FRAS1: variants seen among roughly 807,000 people sequenced by gnomAD.
FRAS1 encodes the protein extracellular matrix organizing protein FRAS1.
FRAS1 carries 290 observed loss-of-function variants against 435.2 expected under a neutral mutation model. The ratio of observed to expected loss-of-function variants is 0.67; its 90% CI spans 0.61 to 0.73. The LOEUF (loss-of-function observed/expected upper bound fraction) is 0.73, where lower values mean the gene tolerates loss of function less well. Ranked by LOEUF, FRAS1 falls within the 30% of genes least tolerant of loss-of-function variation. The pLI is 0.00. For synonymous variants in FRAS1, 1,800 were observed against 1,851.0 expected, an observed-to-expected ratio of 0.97 and a Z score of 0.71; for missense variants, 4,860 against 5,001.5, an observed-to-expected ratio of 0.97 and a Z score of 0.85.
At chr4:78,121,206 T>G (rs926761066) in intron 2 of FRAS1, among the ~76,000 whole-genome samples, 1 of 152,210 alleles carries the variant, frequency 6.6e-6, no homozygotes. Context: ...ATGTACATTT[T>G]CCTATCATTT....
At chr4:78,077,852 G>C (rs138468347) in intron 2 of FRAS1, among the ~76,000 whole-genome samples, 1 of 149,162 alleles carries the variant, frequency 6.7e-6, no homozygotes, top group East Asian at 2.0e-4. Flanking sequence ...TTTTCTAAGA[G>C]AAAATGGCCA....
intron 25 of FRAS1, among the ~76,000 whole-genome samples, chr4:78,374,678 C>A (rs549804190): frequency 3.6e-4 from 55 of 152,286 alleles, no homozygotes; most frequent in African/African-American, 1.3e-3. Flanking sequence ...GTGAAACACA[C>A]TGGAGCTTTT....
At chr4:78,318,380 G>C (rs766082546) in intron 17 of FRAS1, among the ~76,000 whole-genome samples, 3 of 152,184 alleles carry the variant, frequency 2.0e-5, no homozygotes, top group Non-Finnish European at 4.4e-5. Flanking sequence ...GGTGTTGGAT[G>C]ACTCATGGGT....
In FRAS1 at chr4:78,430,352, G is replaced by A. The variant is rs1039884658; in HGVS notation, c.4904G>A (p.Arg1635Gln). The A allele has an allele frequency of 3.1e-6, 5 of 1,613,780 alleles. No homozygotes were observed. Among genetic ancestry groups the A allele is most frequent in the Admixed American group, 1.7e-5 (1 of 59,998 alleles). ...CCCAAAGAACTCTTCTTTGAGCTTC[G>A]GAGACCTCCACAGCATGGTGTGCTT... is the stretch of plus-strand genomic sequence containing the variant. ...TAPKELFFELRRPPQHGVLLK... is the reference protein window; with the variant it reads ...TAPKELFFELQRPPQHGVLLK... Residue 1635 changes from arginine to glutamine, a missense_variant, in exon 37 of 74, where the codon CGG (arginine) becomes CAG (glutamine). Coordinates refer to ENST00000512123, the MANE Select transcript of FRAS1 (RefSeq NM_025074.7).
chr4:78,106,253 A>C lies in FRAS1; in HGVS notation c.108+40237A>C, dbSNP rs1284877001. ...AACTGGGTGGAGCCCACCACAGCTC[A>C]AGGAGGCCTGCCTGCCTCTGTAGGC... On this transcript the variant is annotated intron_variant, in intron 2 of 73. Transcript: ENST00000512123. Among the ~76,000 whole-genome samples, 2 of 86,244 alleles carry C rather than the reference A, an allele frequency of 2.3e-5. 1 individual carries two copies. 56.6% of individuals were successfully genotyped at this position (86,244 alleles called of 152,430 possible).
chr4:78,458,043 T>TA (rs1430616752), intron 47 of FRAS1, among the ~76,000 whole-genome samples: 1 of 152,006 alleles, frequency 6.6e-6, no homozygotes, highest in Non-Finnish European at 1.5e-5. Context: ...AATACACAGT[T>TA]AGAGAGAGAG....
At chr4:78,176,943 A>G (rs1721799845) in intron 2 of FRAS1, among the ~76,000 whole-genome samples, 1 of 152,238 alleles carries the variant, frequency 6.6e-6, no homozygotes, top group Admixed American at 6.5e-5. Flanking sequence ...CTGTCCCATC[A>G]AAACATCACA....
intron 2 of FRAS1, among the ~76,000 whole-genome samples, chr4:78,136,749 G>A (rs139760166): frequency 6.6e-6 from 1 of 152,278 alleles, no homozygotes; most frequent in Non-Finnish European, 1.5e-5. Context: ...GCTCTTTTGT[G>A]TGCCATTGGG....
chr4:78,227,876 C>A (rs1432857014), intron 2 of FRAS1, among the ~76,000 whole-genome samples: 2 of 152,186 alleles, frequency 1.3e-5, no homozygotes, highest in East Asian at 3.8e-4. Context: ...TCAGCAATGA[C>A]ATCATAAAAT....
Position 78,445,510 on chromosome 4 carries a change from A to G in FRAS1, c.5666-12A>G, listed in dbSNP as rs369995010. The G allele has an allele frequency of 1.9e-6, 3 of 1,542,610 alleles. No homozygotes were observed. The highest frequency in any genetic ancestry group is 4.6e-5 in the East Asian group (2 of 43,688). On this transcript the variant is annotated splice_polypyrimidine_tract_variant and intron_variant, in intron 41 of 73. Coordinates refer to ENST00000512123, the MANE Select transcript of FRAS1 (RefSeq NM_025074.7). The stretch of plus-strand genomic sequence containing the variant: ...AGATCAAGGTAAAAATGCTCTCTTG[A>G]TGTTGATGCAGGTGATCGTTTTGGC...
intron 41 of FRAS1, among the ~76,000 whole-genome samples, chr4:78,443,942 A>G (rs911520706): frequency 4.6e-5 from 7 of 152,094 alleles, no homozygotes; most frequent in Non-Finnish European, 1.0e-4. Context: ...TCGACCTCCC[A>G]GGCTCAAGTG....
Position 78,102,044 on chromosome 4 carries a change from A to G in FRAS1, c.108+36028A>G, listed in dbSNP as rs907809825. Among the ~76,000 whole-genome samples the G allele has an allele frequency of 4.6e-5, 7 of 152,348 alleles. No homozygotes were observed. The East Asian group carries it at 5.8e-4, about 13-fold the overall frequency. Reference sequence around the variant, plus strand: ...GATGTACAATTACAGGTTTATATCAATACCATTTTCTCATTTGATTGGTGC... The same window carrying G: ...GATGTACAATTACAGGTTTATATCAGTACCATTTTCTCATTTGATTGGTGC... On this transcript the variant is annotated intron_variant, in intron 2 of 73. Transcript: ENST00000512123.
At chr4:78,266,686 C>G in intron 7 of FRAS1, 148 bp from the exon 8 acceptor site, 1 of 652,704 alleles carries the variant, frequency 1.5e-6, no homozygotes, top group Admixed American at 2.6e-5. Flanking sequence ...GAGGCTATTC[C>G]TATCTAAATG....
At chr4:78,535,557 G>A (rs528761277) in intron 71 of FRAS1, among the ~76,000 whole-genome samples, 2 of 152,096 alleles carry the variant, frequency 1.3e-5, no homozygotes, top group Non-Finnish European at 2.9e-5. Flanking sequence ...AAAAATCTCA[G>A]GGTTATCCTC....
chr4:78,129,058 T>C (rs1361236369), intron 2 of FRAS1, among the ~76,000 whole-genome samples: 1 of 152,220 alleles, frequency 6.6e-6, no homozygotes, highest in Non-Finnish European at 1.5e-5. Flanking sequence ...AAAGATCAGA[T>C]AGTTGTAGAT....
rs1425283053 is a variant in FRAS1 at position 78,515,787 on chromosome 4, C to T, written c.10175-12C>T. On this transcript the variant is annotated splice_polypyrimidine_tract_variant and intron_variant, in intron 65 of 73. Transcript: ENST00000512123. Reference sequence around the variant, plus strand: ...ACCAAGTTATCGTTCCTTGTTCTTCCCTCCCTGGCAGAGGCAGGGTTCCTG... The same window carrying T: ...ACCAAGTTATCGTTCCTTGTTCTTCTCTCCCTGGCAGAGGCAGGGTTCCTG... The T allele has an allele frequency of 6.2e-7, 1 of 1,612,220 alleles. No individual in the cohort carries two copies. The highest frequency in any genetic ancestry group is 1.7e-5 in the Admixed American group (1 of 59,908).
intron 2 of FRAS1, among the ~76,000 whole-genome samples, chr4:78,118,538 C>T (rs1190818609): frequency 1.3e-5 from 2 of 152,182 alleles, no homozygotes; most frequent in Non-Finnish European, 2.9e-5. Context: ...CTCCCCCAGC[C>T]TCACTGCCGC....
Position 78,492,029 on chromosome 4 carries a change from TGA to T in FRAS1, c.8958+2951_8958+2952del, listed in dbSNP as rs1720367173. Among the ~76,000 whole-genome samples, 3 of 152,328 alleles carry T rather than the reference TGA, an allele frequency of 2.0e-5. No individual in the cohort carries two copies. The South Asian group carries it at 6.2e-4, about 32-fold the overall frequency. On this transcript the variant is annotated intron_variant, in intron 59 of 73. Transcript: ENST00000512123. Reference sequence around the variant, plus strand: ...CTATAATAAACAGAGAGCCAAATCATGAGTGAACTCCCATTCACAATTGCTAC... The same window carrying T: ...CTATAATAAACAGAGAGCCAAATCATGTGAACTCCCATTCACAATTGCTAC...
intron 31 of FRAS1, among the ~76,000 whole-genome samples, chr4:78,411,108 A>ATTTTTTTTTT (rs369399937): frequency 1.4e-5 from 2 of 142,858 alleles, no homozygotes; most frequent in Non-Finnish European, 1.5e-5. Flanking sequence ...AGTTGCATGG[A>ATTTTTTTTTT]TTTTTTTTCT....
Sources: allele counts gnomAD v4.1 joint callset (sites outside exome capture counted in the v4.1 genomes callset), GRCh38; gene constraint gnomAD v4.1.1; transcripts MANE v1.5; gene names NCBI Gene and HGNC (gene_info 2026-07-23, HGNC 2026-07-21).